Variants in CD44 observed in about 807,000 individuals in gnomAD.
The protein encoded by CD44 is CD44 antigen.
In CD44, 49 loss-of-function variants were observed where a neutral mutation model predicts 88.8. The ratio of observed to expected loss-of-function variants is 0.55; its 90% confidence interval spans 0.44 to 0.70. CD44 has a LOEUF of 0.70. Among genes scored for constraint, CD44 ranks in the 30% least tolerant of loss-of-function variants. CD44 has a pLI of 0.00. For missense variants in CD44, 883 were observed against 913.8 expected (o/e 0.97, Z 0.43); for synonymous variants, 325 against 312.3 (o/e 1.04, Z -0.43).
At chr11:35,209,941 T>A in intron 12 of CD44, 24 bp from the exon 13 acceptor site, 1 of 1,463,938 alleles carries the variant, frequency 6.8e-7, no homozygotes, top group Non-Finnish European at 9.4e-7. Context: ...AAATTAACAC[T>A]GGATTCATTC....
At chr11:35,219,451 A>G (rs923072911) in intron 16 of CD44, 64 bp downstream of exon 16, 35 of 1,169,470 alleles carry the variant, frequency 3.0e-5, no homozygotes, top group Non-Finnish European at 4.2e-5. Flanking sequence ...TGTCCCAGCA[A>G]GGACGAAGAG....
rs763452202 is a variant in CD44 at position 35,206,244 on chromosome 11, G to C, written c.1414+1G>C. ...GGTCATCAAGCAGGAAGAAGGATGGGTAATAGCCTCTGAGATTTTTATATA... is the reference window on the plus strand; with the variant it reads ...GGTCATCAAGCAGGAAGAAGGATGGCTAATAGCCTCTGAGATTTTTATATA... On this transcript the variant is annotated splice_donor_variant, in intron 11 of 17. Coordinates refer to ENST00000428726, the MANE Select transcript of CD44 (RefSeq NM_000610.4). LOFTEE classifies it high-confidence loss of function. The C allele has an allele frequency of 1.3e-6, 2 of 1,593,410 alleles. No homozygotes were observed. The highest frequency in any genetic ancestry group is 1.7e-6 in the Non-Finnish European group (2 of 1,173,250).
chr11:35,171,557 A>G (rs1393963449), intron 1 of CD44, among the ~76,000 whole-genome samples: 1 of 152,236 alleles, frequency 6.6e-6, no homozygotes, highest in Non-Finnish European at 1.5e-5. Context: ...TCACATGCAC[A>G]TACAACCACA....
chr11:35,171,861 G>A (rs1175672617), intron 1 of CD44, among the ~76,000 whole-genome samples: 3 of 151,942 alleles, frequency 2.0e-5, no homozygotes, highest in African/African-American at 7.3e-5. Flanking sequence ...AAAGTCAGAA[G>A]GAGTCAAATT....
intron 2 of CD44, among the ~76,000 whole-genome samples, chr11:35,179,120 A>G (rs552906932): frequency 5.3e-5 from 8 of 152,344 alleles, no homozygotes; most frequent in African/African-American, 1.9e-4. Flanking sequence ...GCGAGCTACA[A>G]TTGCCACATA....
At chr11:35,218,638 G>C (rs952222165) in intron 15 of CD44, among the ~76,000 whole-genome samples, 7 of 152,124 alleles carry the variant, frequency 4.6e-5, no homozygotes, top group African/African-American at 1.7e-4. Flanking sequence ...TAGTGTTTAT[G>C]TTGGCTCCTA....
chr11:35,174,073 G>A (rs1944195162), intron 1 of CD44, among the ~76,000 whole-genome samples: 1 of 152,178 alleles, frequency 6.6e-6, no homozygotes, highest in African/African-American at 2.4e-5. Context: ...AATCTCAAAG[G>A]TACTGGGTAC....
At chr11:35,198,361 T>C in intron 7 of CD44, 115 bp downstream of exon 7, 2 of 862,454 alleles carry the variant, frequency 2.3e-6, no homozygotes. Flanking sequence ...GGTGAACCTA[T>C]GATCATACCT....
intron 3 of CD44, among the ~76,000 whole-genome samples, chr11:35,183,538 C>T (rs910207494): frequency 6.6e-6 from 1 of 152,092 alleles, no homozygotes; most frequent in Non-Finnish European, 1.5e-5. Flanking sequence ...TGGTCATGTC[C>T]CAGTGCTGTG....
chr11:35,149,192 A>G (rs924763489), intron 1 of CD44, among the ~76,000 whole-genome samples: 1 of 152,210 alleles, frequency 6.6e-6, no homozygotes, highest in African/African-American at 2.4e-5. Flanking sequence ...TCAGAGAAAA[A>G]TTGTTGGCTT....
At chr11:35,144,815 T>C (rs897938522) in intron 1 of CD44, among the ~76,000 whole-genome samples, 2 of 152,230 alleles carry the variant, frequency 1.3e-5, no homozygotes, top group African/African-American at 4.8e-5. Context: ...TAATTGAAAG[T>C]CAAACACTTT....
chr11:35,222,698 A>G, intron 17 of CD44: 2 of 921,744 alleles, frequency 2.2e-6, no homozygotes, highest in Non-Finnish European at 2.6e-6. Context: ...TAAATTTATA[A>G]AAGTATAAAT....
rs1362252153 is a variant in CD44, at chr11:35,199,929, GTGT to G, written c.923-1148_923-1146del. ...AGGCTTCAGGGAAAAATTTCCCATG[GTGT>G]TGTTTTTTTTTTTTTTTTTTTTTTT... On this transcript the variant is annotated intron_variant, in intron 7 of 17. Transcript: ENST00000428726. Among the ~76,000 whole-genome samples the G allele has an allele frequency of 3.1e-3, 212 of 68,324 alleles. 1 individual carries two copies. Among genetic ancestry groups the G allele is most frequent in the African/African-American group, 0.01 (185 of 18,322 alleles). 44.8% of individuals were successfully genotyped at this position (68,324 alleles called of 152,430 possible). A position where few individuals can be genotyped will look rare whatever the true frequency, so the allele number is the denominator to read the frequency against.
chr11:35,186,159 C>T (rs1005241122), intron 3 of CD44, among the ~76,000 whole-genome samples: 3 of 152,182 alleles, frequency 2.0e-5, no homozygotes, highest in African/African-American at 7.2e-5. Flanking sequence ...AAGCAACATG[C>T]TGAGAAGCAG....
At chr11:35,206,034 T>C in intron 10 of CD44, 78 bp from the exon 11 acceptor site, 1 of 1,465,392 alleles carries the variant, frequency 6.8e-7, no homozygotes, top group East Asian at 2.6e-5. Context: ...ATAAAGTCTT[T>C]TTTAAAAATA....
intron 17 of CD44, chr11:35,222,847 A>G (rs1298325464): frequency 2.0e-6 from 2 of 985,094 alleles, no homozygotes; most frequent in Non-Finnish European, 1.2e-6. Context: ...AAGCAGGACC[A>G]CCTTTATTGT....
chr11:35,220,307 C>T (rs1949188565), intron 16 of CD44, among the ~76,000 whole-genome samples: 2 of 152,232 alleles, frequency 1.3e-5, no homozygotes, highest in Non-Finnish European at 2.9e-5. Flanking sequence ...TATCTCAGGG[C>T]TGGAAACCAG....
chr11:35,188,347 G>T (rs1056028250), intron 4 of CD44, among the ~76,000 whole-genome samples: 1 of 152,210 alleles, frequency 6.6e-6, no homozygotes, highest in Non-Finnish European at 1.5e-5. Context: ...TGAAATCCTA[G>T]TTCCCTCACC....
In CD44 at chr11:35,202,594, C is replaced by T. The variant is rs115892043; in HGVS notation, c.1153+807C>T. On this transcript the variant is annotated intron_variant, in intron 9 of 17. Transcript: ENST00000428726. ...ATGACCCAACTGTCATTCTCACAGC[C>T]CTAGATACACCTAATGGGGAAATGT... is the stretch of plus-strand genomic sequence containing the variant. Among the ~76,000 whole-genome samples the T allele has an allele frequency of 7.5e-3, 1,135 of 152,156 alleles. 20 individuals are homozygous for T. Among genetic ancestry groups the T allele is most frequent in the African/African-American group, 0.026 (1,067 of 41,492 alleles).
Sources: allele counts gnomAD v4.1 joint callset (sites outside exome capture counted in the v4.1 genomes callset), GRCh38; gene constraint gnomAD v4.1.1; transcripts MANE v1.5; gene names NCBI Gene and HGNC (gene_info 2026-07-23, HGNC 2026-07-21).